The following TRAPPC8 variants were observed in gnomAD, a reference collection of about 807,000 sequenced individuals.
TRAPPC8 encodes the protein general sporulation gene 1 homolog.
A neutral mutation model predicts 174.3 loss-of-function variants in TRAPPC8; 54 were observed. The ratio of observed to expected loss-of-function variants is 0.31; its 90% CI spans 0.25 to 0.39. The LOEUF (loss-of-function observed/expected upper bound fraction) is 0.39, where lower values mean the gene tolerates loss of function less well. Ranked by LOEUF, TRAPPC8 falls within the 10% of genes least tolerant of loss-of-function variation. The pLI, the probability that TRAPPC8 is intolerant of heterozygous loss-of-function variation, is 1.00. For synonymous variants in TRAPPC8, 630 were observed against 579.9 expected (o/e 1.09, Z -1.24); for missense variants, 1,531 against 1,699.1 (o/e 0.90, Z 1.74).
chr18:31,914,132 C>CA (rs1264790427), intron 4 of TRAPPC8, among the ~76,000 whole-genome samples: 1,515 of 43,678 alleles, frequency 0.035, 8 homozygotes, highest in East Asian at 0.054. Context: ...ACCCCCATCT[C>CA]AAAAAAAAAA....
chr18:31,900,212 C>T (rs1026010916), intron 10 of TRAPPC8, among the ~76,000 whole-genome samples: 8 of 152,034 alleles, frequency 5.3e-5, no homozygotes, highest in East Asian at 1.9e-4. Flanking sequence ...CCCGCCTGGA[C>T]GACAGAGCAA....
intron 27 of TRAPPC8, chr18:31,833,440 A>G (rs2032498288): frequency 6.6e-6 from 1 of 152,120 alleles, no homozygotes; most frequent in South Asian, 2.1e-4. Context: ...CTCCACTCCC[A>G]ATGTTCTTCA....
intron 5 of TRAPPC8, among the ~76,000 whole-genome samples, chr18:31,913,132 A>G (rs1218319931): frequency 6.6e-6 from 1 of 152,134 alleles, no homozygotes; most frequent in Non-Finnish European, 1.5e-5. Flanking sequence ...TGTCTCAAAA[A>G]AAAAAAAGAA....
rs751216942 is a variant in TRAPPC8 at position 31,931,755 on chromosome 18, CT to C, written c.158-233del. 2.1e-3 allele frequency among the ~76,000 whole-genome samples: 315 copies of C among 152,290 alleles called. 1 individual carries two copies. The highest frequency in any genetic ancestry group is 5.4e-3 in the Admixed American group (83 of 15,278). On this transcript the variant is annotated intron_variant, in intron 1 of 28. Transcript: ENST00000283351. ...TCCTTCCCCTCTCACTACTGCTCAG[CT>C]TTCCTACTGTAGGTCCTCTCCTTTC...
Position 31,847,087 on chromosome 18 carries a change from T to G in TRAPPC8, c.3736-270A>C, listed in dbSNP as rs546902479. Among the ~76,000 whole-genome samples, 4 of 152,344 alleles carry G rather than the reference T, an allele frequency of 2.6e-5. No homozygotes were observed. In the South Asian group the frequency reaches 6.2e-4, roughly 24 times the overall value. On this transcript the variant is annotated intron_variant, in intron 25 of 28. Coordinates refer to ENST00000283351, the MANE Select transcript of TRAPPC8 (RefSeq NM_014939.5). ...AATCCTTTCCAACATTCTTTAGAAT[T>G]CTTAAGAAACTACTTTAAAAGAACT... is the stretch of plus-strand genomic sequence containing the variant.
At chr18:31,875,994 G>C (rs77397450) in intron 12 of TRAPPC8, among the ~76,000 whole-genome samples, 13,475 of 152,158 alleles carry the variant, frequency 0.089, 839 homozygotes, top group East Asian at 0.33. Flanking sequence ...GCGTTAGACA[G>C]ATCAGCAGGG....
chr18:31,846,624 C>A (rs1568038645), intron 26 of TRAPPC8, 92 bp downstream of exon 26: 2 of 961,108 alleles, frequency 2.1e-6, no homozygotes, highest in Non-Finnish European at 3.2e-6. Flanking sequence ...CAAACCAGAC[C>A]CCTTCAAAAA....
At position 31,900,857 on chromosome 18, in the gene TRAPPC8, G is replaced by GGA. The variant is rs2036390119; in HGVS notation, c.1490+67_1490+68insTC. 22 of 990,402 alleles carry GGA rather than the reference G, an allele frequency of 2.2e-5. No homozygotes were observed. The East Asian group carries it at 3.2e-4, about 15-fold the overall frequency. 61.4% of individuals were successfully genotyped at this position (990,402 alleles called of 1,614,324 possible). A position where few individuals can be genotyped will look rare whatever the true frequency, so the allele number is the denominator to read the frequency against. Reference sequence around the variant, plus strand: ...CTTGATTTGGGAGTTTAGGAATGGGGAAAAAAAAAAAAAAAGAACAAACTG... The same window carrying GGA: ...CTTGATTTGGGAGTTTAGGAATGGGGGAAAAAAAAAAAAAAAAGAACAAACTG... On this transcript the variant is annotated intron_variant, in intron 10 of 28. Transcript: ENST00000283351.
intron 27 of TRAPPC8, chr18:31,832,644 A>G (rs1443565819): frequency 6.6e-6 from 1 of 152,210 alleles, no homozygotes; most frequent in African/African-American, 2.4e-5. Flanking sequence ...GAATATAAGA[A>G]TGATTTCTAT....
At chr18:31,840,048 A>T (rs1274467022) in intron 26 of TRAPPC8, among the ~76,000 whole-genome samples, 2 of 152,176 alleles carry the variant, frequency 1.3e-5, no homozygotes, top group Non-Finnish European at 2.9e-5. Flanking sequence ...TATTTCAATA[A>T]ATAATCATTA....
chr18:31,845,796 T>G (rs2145009288), intron 26 of TRAPPC8, among the ~76,000 whole-genome samples: 1 of 152,128 alleles, frequency 6.6e-6, no homozygotes, highest in South Asian at 2.1e-4. Flanking sequence ...AAAATAGTAA[T>G]AATGGAGGTG....
intron 14 of TRAPPC8, among the ~76,000 whole-genome samples, chr18:31,872,576 C>T (rs942587203): frequency 1.3e-5 from 2 of 152,034 alleles, no homozygotes; most frequent in African/African-American, 2.4e-5. Flanking sequence ...CATGCCACCA[C>T]GCCCAGCTAG....
intron 4 of TRAPPC8, among the ~76,000 whole-genome samples, chr18:31,915,469 A>AGG (rs34274812): frequency 3.1e-4 from 31 of 98,850 alleles, no homozygotes; most frequent in African/African-American, 1.0e-3. Context: ...TCAAAAAAAA[A>AGG]GGGGGGGGGG....
At chr18:31,870,614 G>A in intron 15 of TRAPPC8, 112 bp from the exon 16 acceptor site, 1 of 1,177,476 alleles carries the variant, frequency 8.5e-7, no homozygotes, top group South Asian at 1.6e-5. Context: ...TGCCTAGACT[G>A]TCCTTTATTA....
intron 19 of TRAPPC8, among the ~76,000 whole-genome samples, chr18:31,861,118 C>T (rs2034299044): frequency 6.6e-6 from 1 of 152,160 alleles, no homozygotes; most frequent in Non-Finnish European, 1.5e-5. Flanking sequence ...GGTCTCTGCT[C>T]TAAATCCACC....
chr18:31,901,049 A>G (rs766908524), intron 9 of TRAPPC8, 24 bp from the exon 10 acceptor site: 24 of 1,556,698 alleles, frequency 1.5e-5, no homozygotes, highest in Admixed American at 4.4e-5. Flanking sequence ...CATAGTTTAC[A>G]TATTTCAAAA....
intron 4 of TRAPPC8, among the ~76,000 whole-genome samples, chr18:31,915,285 A>G (rs1443145275): frequency 6.7e-6 from 1 of 149,620 alleles, no homozygotes; most frequent in Non-Finnish European, 1.5e-5. Flanking sequence ...ACGTGGTGAA[A>G]CCCTATCTCT....
At chr18:31,936,839 T>A (rs111518727) in intron 1 of TRAPPC8, among the ~76,000 whole-genome samples, 8,731 of 143,104 alleles carry the variant, frequency 0.061, 270 homozygotes, top group Middle Eastern at 0.11. Context: ...GAGGCGGAGG[T>A]TGCAGTGAGC....
chr18:31,929,677 TAAATAA>T (rs1369490995), intron 2 of TRAPPC8, among the ~76,000 whole-genome samples: 2 of 152,022 alleles, frequency 1.3e-5, no homozygotes, highest in African/African-American at 4.8e-5. Context: ...AAAAATACTA[TAAATAA>T]AAATAAAAAG....
Sources: gnomAD v4.1 joint callset for allele counts (sites outside exome capture counted in the v4.1 genomes callset) on GRCh38, gnomAD v4.1.1 for gene constraint, MANE v1.5 for transcripts, NCBI Gene and HGNC (gene_info 2026-07-23, HGNC 2026-07-21) for gene names.